Variants in ARHGAP15 observed in about 807,000 individuals in gnomAD.
ARHGAP15 encodes the protein rho GTPase-activating protein 15.
Under a neutral mutation model 63.7 loss-of-function variants are expected in ARHGAP15, and 51 were observed. The ratio of observed to expected loss-of-function variants is 0.80; its 90% CI spans 0.64 to 1.01. The LOEUF is 1.01. Ranked by LOEUF, ARHGAP15 falls within the 50% of genes least tolerant of loss-of-function variation. ARHGAP15 has a pLI of 0.00. For missense variants in ARHGAP15, 560 were observed against 564.6 expected, an observed-to-expected ratio of 0.99 and a Z score of 0.08; for synonymous variants, 191 against 193.8, an observed-to-expected ratio of 0.99 and a Z score of 0.12.
chr2:143,374,016 G>C (rs1204929988), intron 6 of ARHGAP15, among the ~76,000 whole-genome samples: 3 of 152,108 alleles, frequency 2.0e-5, no homozygotes, highest in African/African-American at 7.2e-5. Flanking sequence ...TTAAAAACAG[G>C]TCTATAACAA....
chr2:143,691,845 T>G (rs1439665108), intron 12 of ARHGAP15, among the ~76,000 whole-genome samples: 1 of 152,210 alleles, frequency 6.6e-6, no homozygotes, highest in Non-Finnish European at 1.5e-5. Context: ...TGTTTTCATC[T>G]TAGTTGGCAG....
At chr2:143,434,732 A>C (rs1225152709) in intron 6 of ARHGAP15, among the ~76,000 whole-genome samples, 1 of 152,160 alleles carries the variant, frequency 6.6e-6, no homozygotes, top group Non-Finnish European at 1.5e-5. Flanking sequence ...AAATCTTCAC[A>C]GTTCAGATTG....
chr2:143,310,660 T>C, intron 6 of ARHGAP15, among the ~76,000 whole-genome samples: 1 of 152,072 alleles, frequency 6.6e-6, no homozygotes, highest in South Asian at 2.1e-4. Flanking sequence ...CAGTTATTTA[T>C]ATAAAAAGTG....
intron 1 of ARHGAP15, among the ~76,000 whole-genome samples, chr2:143,136,204 A>C (rs1477827919): frequency 1.3e-5 from 2 of 152,168 alleles, no homozygotes; most frequent in Non-Finnish European, 2.9e-5. Flanking sequence ...CTAGTTTATC[A>C]GCAATAAGTA....
In ARHGAP15 at chr2:143,540,283, T is replaced by A. The variant is rs1694985932; in HGVS notation, c.926-16125T>A. 3.9e-5 allele frequency among the ~76,000 whole-genome samples: 6 copies of A among 152,228 alleles called. No homozygotes were observed. The South Asian group carries it at 1.2e-3, about 32-fold the overall frequency. On this transcript the variant is annotated intron_variant, in intron 10 of 13. Coordinates refer to ENST00000295095, the MANE Select transcript of ARHGAP15 (RefSeq NM_018460.4). Reference sequence around the variant, plus strand: ...TTGAGCCTATATGTGTGTCTGCACGTGATGGGTTTCCTGAATACAGCACTA... The same window carrying A: ...TTGAGCCTATATGTGTGTCTGCACGAGATGGGTTTCCTGAATACAGCACTA...
At chr2:143,278,375 A>G (rs2105073721) in intron 6 of ARHGAP15, among the ~76,000 whole-genome samples, 2 of 152,272 alleles carry the variant, frequency 1.3e-5, no homozygotes, top group South Asian at 4.1e-4. Flanking sequence ...TGCCCACCCC[A>G]CAATCTAACC....
chr2:143,249,236 G>A (rs556077540), intron 5 of ARHGAP15, among the ~76,000 whole-genome samples: 1 of 152,002 alleles, frequency 6.6e-6, no homozygotes, highest in African/African-American at 2.4e-5. Flanking sequence ...CTATCCTGCC[G>A]GCTGGGTTTA....
intron 2 of ARHGAP15, among the ~76,000 whole-genome samples, chr2:143,162,932 T>G (rs1690356613): frequency 6.6e-6 from 1 of 152,042 alleles, no homozygotes; most frequent in Non-Finnish European, 1.5e-5. Context: ...AAAGGCAAGC[T>G]AGAAAATGGT....
At chr2:143,311,740 G>GAGTA (rs1198494688) in intron 6 of ARHGAP15, among the ~76,000 whole-genome samples, 1 of 152,094 alleles carries the variant, frequency 6.6e-6, no homozygotes, top group Non-Finnish European at 1.5e-5. Context: ...ATATGTCTAA[G>GAGTA]CTCACAAATT....
chr2:143,319,154 T>C (rs1046027968), intron 6 of ARHGAP15, among the ~76,000 whole-genome samples: 14 of 152,058 alleles, frequency 9.2e-5, no homozygotes, highest in African/African-American at 3.1e-4. Flanking sequence ...CTTAGATTGA[T>C]AGCTCCATTT....
At chr2:143,156,969 A>T (rs1455407657) in intron 2 of ARHGAP15, among the ~76,000 whole-genome samples, 1 of 151,960 alleles carries the variant, frequency 6.6e-6, no homozygotes, top group Admixed American at 6.6e-5. Flanking sequence ...CCTTTGAAAA[A>T]GTTTAAAAGT....
chr2:143,150,013 G>T (rs1689752492), intron 1 of ARHGAP15, among the ~76,000 whole-genome samples: 1 of 151,896 alleles, frequency 6.6e-6, no homozygotes, highest in African/African-American at 2.4e-5. Context: ...ATGTCCACTT[G>T]ATTTGTGGGT....
intron 13 of ARHGAP15, among the ~76,000 whole-genome samples, chr2:143,727,737 A>T (rs534213931): frequency 3.3e-5 from 5 of 152,172 alleles, no homozygotes; most frequent in African/African-American, 4.8e-5. Context: ...TTGTCTACAC[A>T]GCCTGGATTC....
At chr2:143,707,288 T>G (rs1257894526) in intron 13 of ARHGAP15, among the ~76,000 whole-genome samples, 1 of 152,212 alleles carries the variant, frequency 6.6e-6, no homozygotes, top group Non-Finnish European at 1.5e-5. Flanking sequence ...CCACACAGTT[T>G]TCATTTGTCT....
At chr2:143,229,053 G>A (rs551798775) in intron 5 of ARHGAP15, among the ~76,000 whole-genome samples, 6 of 152,104 alleles carry the variant, frequency 3.9e-5, no homozygotes, top group South Asian at 2.1e-4. Flanking sequence ...AATGCTTAAC[G>A]GATGATACTA....
chr2:143,384,763 A>G (rs887149293), intron 6 of ARHGAP15, among the ~76,000 whole-genome samples: 14 of 152,192 alleles, frequency 9.2e-5, no homozygotes, highest in African/African-American at 3.1e-4. Flanking sequence ...AATCAGAGAC[A>G]TGAAGGCTCC....
At chr2:143,288,039 C>T (rs527782693) in intron 6 of ARHGAP15, among the ~76,000 whole-genome samples, 381 of 152,298 alleles carry the variant, frequency 2.5e-3, no homozygotes, top group African/African-American at 8.9e-3. Flanking sequence ...GTTCAGAACT[C>T]ATACACCTTG....
At chr2:143,156,780 G>C (rs1252629697) in intron 2 of ARHGAP15, among the ~76,000 whole-genome samples, 1 of 151,888 alleles carries the variant, frequency 6.6e-6, no homozygotes, top group Admixed American at 6.6e-5. Context: ...AGTAACTAAT[G>C]AGATATGCAT....
intron 6 of ARHGAP15, among the ~76,000 whole-genome samples, chr2:143,280,949 A>T (rs1681814159): frequency 6.6e-6 from 1 of 152,172 alleles, no homozygotes; most frequent in South Asian, 2.1e-4. Flanking sequence ...AGAAGAAAAA[A>T]CATTTAGATA....
Sources: gnomAD v4.1 joint callset for allele counts (sites outside exome capture counted in the v4.1 genomes callset) on GRCh38, gnomAD v4.1.1 for gene constraint, MANE v1.5 for transcripts, NCBI Gene and HGNC (gene_info 2026-07-23, HGNC 2026-07-21) for gene names.